The following CBR4 variants were observed in gnomAD, a reference collection of about 807,000 sequenced individuals.
CBR4 encodes carbonyl reductase 4.
CBR4 carries 22 observed loss-of-function variants against 21.0 expected under a neutral mutation model. The observed-to-expected ratio is 1.05, with a 90% confidence interval of 0.75 to 1.50. The LOEUF (loss-of-function observed/expected upper bound fraction) is 1.50, where lower values mean the gene tolerates loss of function less well. Ranked by LOEUF, CBR4 falls within the 40% of genes most tolerant of loss-of-function variation. CBR4 has a pLI of 0.00. For synonymous variants in CBR4, 100 were observed against 104.4 expected (o/e 0.96, Z 0.26); for missense variants, 302 against 286.3 (o/e 1.05, Z -0.40).
At chr4:168,896,098 T>G (rs1018253960) in intron 2 of CBR4, among the ~76,000 whole-genome samples, 6 of 151,372 alleles carry the variant, frequency 4.0e-5, no homozygotes, top group African/African-American at 1.5e-4. Context: ...TAGTCCCAGC[T>G]ACGCGGGAGG....
intron 2 of CBR4, chr4:168,924,442 C>A: frequency 6.2e-7 from 1 of 1,603,942 alleles, no homozygotes; most frequent in East Asian, 2.2e-5. Context: ...CAATGAGAAC[C>A]TGATCCTTAA....
At chr4:168,969,866 A>C (rs1448105340) in intron 2 of CBR4, among the ~76,000 whole-genome samples, 1 of 152,186 alleles carries the variant, frequency 6.6e-6, no homozygotes, top group Non-Finnish European at 1.5e-5. Flanking sequence ...TGATGCATTT[A>C]AAAAAAGATT....
intron 2 of CBR4, among the ~76,000 whole-genome samples, chr4:168,924,098 A>G (rs531699934): frequency 6.6e-6 from 1 of 152,348 alleles, no homozygotes; most frequent in South Asian, 2.1e-4. Context: ...TTGCTTGGTA[A>G]AAGAATAATT....
chr4:168,907,070 G>C (rs972176251), intron 2 of CBR4, among the ~76,000 whole-genome samples: 1 of 151,956 alleles, frequency 6.6e-6, no homozygotes, highest in African/African-American at 2.4e-5. Context: ...TGTGACCTTA[G>C]CAAGTCACTT....
At position 168,990,346 on chromosome 4, in the gene CBR4, GTT is replaced by G; in HGVS notation, c.536-20_536-19del. 6.4e-7 allele frequency: 1 copy of G among 1,562,436 alleles called. No individual in the cohort carries two copies. The highest frequency in any genetic ancestry group is 1.4e-5 in the African/African-American group (1 of 72,568). ...TACAAATCCTAAAAGAGAAATGTTTGTTTAGTTGAAAAGGGTACACACTAAGA... is the reference window on the plus strand; with the variant it reads ...TACAAATCCTAAAAGAGAAATGTTTGTAGTTGAAAAGGGTACACACTAAGA... On this transcript the variant is annotated intron_variant, in intron 4 of 4. Transcript: ENST00000306193.
chr4:168,968,125 C>T (rs1055633174), intron 2 of CBR4, among the ~76,000 whole-genome samples: 1 of 152,136 alleles, frequency 6.6e-6, no homozygotes, highest in Non-Finnish European at 1.5e-5. Flanking sequence ...AAATAAAAGT[C>T]ATCATTTGAG....
chr4:168,979,708 T>C (rs1253521168), intron 2 of CBR4, among the ~76,000 whole-genome samples: 1 of 151,932 alleles, frequency 6.6e-6, no homozygotes, highest in Non-Finnish European at 1.5e-5. Flanking sequence ...CTTCACCATG[T>C]AGGGCCTCTG....
intron 2 of CBR4, among the ~76,000 whole-genome samples, chr4:168,973,227 A>G (rs1764264056): frequency 6.6e-6 from 1 of 152,078 alleles, no homozygotes; most frequent in African/African-American, 2.4e-5. Flanking sequence ...ATTGATATGT[A>G]GTTTTTTTGT....
chr4:168,979,795 G>A (rs547940058), intron 2 of CBR4, among the ~76,000 whole-genome samples: 29 of 152,228 alleles, frequency 1.9e-4, no homozygotes, highest in South Asian at 4.1e-4. Flanking sequence ...TCCCAGGGGC[G>A]GAGCTCCCAC....
intron 4 of CBR4, among the ~76,000 whole-genome samples, chr4:168,998,462 T>G (rs1231834723): frequency 6.6e-6 from 1 of 152,188 alleles, no homozygotes; most frequent in South Asian, 2.1e-4. Context: ...TCAATTTATA[T>G]GAAATGTCCA....
chr4:168,971,012 C>A (rs551077809), intron 2 of CBR4, among the ~76,000 whole-genome samples: 1 of 152,282 alleles, frequency 6.6e-6, no homozygotes, highest in Non-Finnish European at 1.5e-5. Context: ...ATTGCTGGAT[C>A]AAATGGTAGC....
chr4:168,894,490 AGT>A (rs1754696063), intron 3 of CBR4: 1 of 792,790 alleles, frequency 1.3e-6, no homozygotes, highest in Non-Finnish European at 2.2e-6. Flanking sequence ...AAATCATGAA[AGT>A]GTGTTGTTTT....
At chr4:168,959,930 C>G (rs768933256) in intron 2 of CBR4, among the ~76,000 whole-genome samples, 3 of 150,776 alleles carry the variant, frequency 2.0e-5, no homozygotes, top group Non-Finnish European at 4.4e-5. Flanking sequence ...AATTTATACA[C>G]AGATCAAGTT....
In CBR4 at chr4:168,989,425, G is replaced by A. The variant is rs945158078; in HGVS notation, c.*725C>T. ...TTAAATTTGCAGATTATTTTGTCTAGCTGCTCAATCAAGAGAAATACCACT... is the reference window on the plus strand; with the variant it reads ...TTAAATTTGCAGATTATTTTGTCTAACTGCTCAATCAAGAGAAATACCACT... On this transcript the variant is annotated 3_prime_UTR_variant, in exon 5 of 5. Coordinates refer to ENST00000306193, the MANE Select transcript of CBR4 (RefSeq NM_032783.5). The A allele has an allele frequency of 1.2e-5, 12 of 985,230 alleles. No homozygotes were observed. Among genetic ancestry groups the A allele is most frequent in the Admixed American group, 6.1e-5 (1 of 16,264 alleles). 61.0% of individuals were successfully genotyped at this position (985,230 alleles called of 1,614,324 possible).
downstream of CBR4, among the ~76,000 whole-genome samples, chr4:168,983,613 A>G (rs150205487): frequency 2.0e-5 from 3 of 152,136 alleles, no homozygotes; most frequent in Non-Finnish European, 4.4e-5. Flanking sequence ...AAAAAAAAGA[A>G]AACTTTAGGC....
Position 169,002,068 on chromosome 4 carries a change from A to G in CBR4, c.535+3T>C. ...AAGTTATTTTAATAAAGTTTTCACTAACCTGGTGCAACTACATTCACTCTA... is the reference window on the plus strand; with the variant it reads ...AAGTTATTTTAATAAAGTTTTCACTGACCTGGTGCAACTACATTCACTCTA... On this transcript the variant is annotated splice_donor_region_variant and intron_variant, in intron 4 of 4. Transcript: ENST00000306193. 6.4e-7 allele frequency: 1 copy of G among 1,569,274 alleles called. No homozygotes were observed. Among genetic ancestry groups the G allele is most frequent in the Non-Finnish European group, 8.6e-7 (1 of 1,161,728 alleles).
intron 2 of CBR4, among the ~76,000 whole-genome samples, chr4:168,967,588 GAAACAGGTCATTGA>G (rs1395443205): frequency 6.6e-6 from 1 of 152,112 alleles, no homozygotes; most frequent in Non-Finnish European, 1.5e-5. Context: ...TGCTACCTAG[GAAACAGGTCATTGA>G]AAACAGAAAT....
rs187615577 is a variant in CBR4 at position 169,010,230 on chromosome 4, G to A, written c.-141C>T. On this transcript the variant is annotated 5_prime_UTR_variant, in exon 1 of 5. Transcript: ENST00000306193. ...ACCGCAAAAAAAAATAACGCCGCTC[G>A]ACACCTCCTGCAGCCGCACAATAGT... The A allele has an allele frequency of 1.8e-4, 134 of 732,862 alleles. 1 individual carries two copies. The Middle Eastern group carries it at 4.9e-3, about 27-fold the overall frequency. 45.4% of individuals were successfully genotyped at this position (732,862 alleles called of 1,614,324 possible). A position where few individuals can be genotyped will look rare whatever the true frequency, so the allele number is the denominator to read the frequency against.
In CBR4 at chr4:168,989,469, A is replaced by G. The variant is rs1764810177; in HGVS notation, c.*681T>C. On this transcript the variant is annotated 3_prime_UTR_variant, in exon 5 of 5. Transcript: ENST00000306193. ...TACCACTCAAAGAAATCAATTCTAA[A>G]TTCATGTCTTTAATGAATACTATGT... is the stretch of plus-strand genomic sequence containing the variant. The G allele has an allele frequency of 2.0e-6, 2 of 985,254 alleles. No individual in the cohort carries two copies. The highest frequency in any genetic ancestry group is 2.4e-6 in the Non-Finnish European group (2 of 829,904). 61.0% of individuals were successfully genotyped at this position (985,254 alleles called of 1,614,324 possible).
Sources: allele counts gnomAD v4.1 joint callset (sites outside exome capture counted in the v4.1 genomes callset), GRCh38; gene constraint gnomAD v4.1.1; transcripts MANE v1.5; gene names NCBI Gene and HGNC (gene_info 2026-07-23, HGNC 2026-07-21).